Variants in FBXO10 observed in about 807,000 individuals in gnomAD.
The protein encoded by FBXO10 is F-box protein 10, also known as F-box only protein 10.
In FBXO10, 39 loss-of-function variants were observed where a neutral mutation model predicts 80.7. That is an observed-to-expected ratio of 0.48 (90% CI 0.37 to 0.63). The LOEUF is 0.63. Among genes scored for constraint, FBXO10 ranks in the 30% least tolerant of loss-of-function variants. FBXO10 has a pLI of 0.00. For missense variants in FBXO10, 1,025 were observed against 1,269.0 expected (o/e 0.81, Z 2.92); for synonymous variants, 449 against 489.6 (o/e 0.92, Z 1.09).
At position 37,544,297 on chromosome 9, in the gene FBXO10, G is replaced by A. The variant is rs530550069; in HGVS notation, c.-6-2523C>T. Among the ~76,000 whole-genome samples, 307 of 152,226 alleles carry A rather than the reference G, an allele frequency of 2.0e-3. 2 individuals are homozygous for A. Among genetic ancestry groups the A allele is most frequent in the African/African-American group, 7.1e-3 (294 of 41,524 alleles). On this transcript the variant is annotated intron_variant, in intron 1 of 10. Coordinates refer to ENST00000432825, the MANE Select transcript of FBXO10 (RefSeq NM_012166.3). ...ACAAAACAAAAATTAGCCAGGTGTG[G>A]TGGTGGGCACCTGTAATCTCAGCTA... is the stretch of plus-strand genomic sequence containing the variant.
intron 1 of FBXO10, among the ~76,000 whole-genome samples, chr9:37,553,554 T>C (rs985788568): frequency 2.6e-5 from 4 of 151,988 alleles, no homozygotes; most frequent in African/African-American, 7.3e-5. Context: ...CTTTAAGAAG[T>C]TGTCTTTAAA....
At chr9:37,526,821 TTTTA>T (rs57803639) in intron 5 of FBXO10, among the ~76,000 whole-genome samples, 76,762 of 139,406 alleles carry the variant, frequency 0.55, 22,884 homozygotes, top group Non-Finnish European at 0.66. Flanking sequence ...TTTTAAAATA[TTTTA>T]TTTATTTATT....
chr9:37,527,512 C>T (rs1821506849), intron 5 of FBXO10, among the ~76,000 whole-genome samples: 2 of 152,214 alleles, frequency 1.3e-5, no homozygotes, highest in Non-Finnish European at 2.9e-5. Context: ...AATGCCTTTT[C>T]CCTGGCCATA....
rs749601452 is a variant in FBXO10, at chr9:37,518,419, C to A, written c.2220G>T (p.Gln740His). 1 of 1,604,284 alleles carries A rather than the reference C, an allele frequency of 6.2e-7. No homozygotes were observed. The change falls in exon 9 of 11, where the codon CAG becomes CAT. Residue 740 changes from glutamine (Q) to histidine (H), a missense_variant. This residue lies in a region of FBXO10 where 478 missense variants were observed against 667.8 expected (regional missense o/e 0.72). Coordinates refer to ENST00000432825, the MANE Select transcript of FBXO10 (RefSeq NM_012166.3). ...TGATGACATGCAGTGCCTCGCTGCT[C>A]TGGACATAGAGTCCTGAGGCTATGG... Reference protein sequence around the residue: ...NHNGASGLYVQSSEALHVITN... With the variant: ...NHNGASGLYVHSSEALHVITN...
At chr9:37,527,098 G>A (rs1180559274) in intron 5 of FBXO10, among the ~76,000 whole-genome samples, 1 of 152,160 alleles carries the variant, frequency 6.6e-6, no homozygotes, top group African/African-American at 2.4e-5. Flanking sequence ...TGATCTGCCC[G>A]CCTCGGCCTC....
chr9:37,565,872 A>G (rs35243260), intron 1 of FBXO10, among the ~76,000 whole-genome samples: 19,852 of 152,190 alleles, frequency 0.13, 1,383 homozygotes, highest in Middle Eastern at 0.18. Context: ...AGGGGGCTAT[A>G]GCAGAGGAAA....
intron 8 of FBXO10, among the ~76,000 whole-genome samples, chr9:37,520,390 C>T (rs1472926923): frequency 1.4e-5 from 2 of 147,202 alleles, no homozygotes; most frequent in South Asian, 2.2e-4. Flanking sequence ...CCTAGAATAC[C>T]GTGGTGCAAT....
Position 37,541,213 on chromosome 9 carries a change from G to A in FBXO10, c.556C>T (p.Pro186Ser). Residue 186 changes from proline to serine, a missense_variant, in exon 2 of 11, where the codon CCA becomes TCA. Coordinates refer to ENST00000432825, the MANE Select transcript of FBXO10 (RefSeq NM_012166.3). ...TACATGATGGGTGAGAACCAGGCTG[G>A]CGTGAAGACGAGGTTGCACAGGCGT... ...TTRLCNLVFT[P>S]AWFSPIMYKT... 6.2e-7 allele frequency: 1 copy of A among 1,609,446 alleles called. No individual in the cohort carries two copies. The highest frequency in any genetic ancestry group is 8.5e-7 in the Non-Finnish European group (1 of 1,177,638).
At chr9:37,550,845 T>C (rs1213187880) in intron 1 of FBXO10, among the ~76,000 whole-genome samples, 2 of 152,202 alleles carry the variant, frequency 1.3e-5, no homozygotes, top group African/African-American at 4.8e-5. Flanking sequence ...AAAATTCATG[T>C]TCTTCTCACA....
chr9:37,559,378 T>C (rs1342914769), intron 1 of FBXO10, among the ~76,000 whole-genome samples: 2 of 152,210 alleles, frequency 1.3e-5, no homozygotes, highest in African/African-American at 4.8e-5. Context: ...TGTCTCTGTA[T>C]CATGCAAAGA....
chr9:37,534,715 C>T (rs953456246), intron 3 of FBXO10, among the ~76,000 whole-genome samples: 15 of 152,188 alleles, frequency 9.9e-5, no homozygotes, highest in African/African-American at 3.1e-4. Context: ...ACCCTCCTGA[C>T]GCAGGCTGGG....
rs370454432 is a variant in FBXO10 at position 37,522,901 on chromosome 9, G to A, written c.1854C>T (p.Leu618=). 11 of 1,572,906 alleles carry A rather than the reference G, an allele frequency of 7.0e-6. No homozygotes were observed. The African/African-American group carries it at 1.5e-4, about 21-fold the overall frequency. The change falls in exon 7 of 11, where the codon CTC becomes CTT. Residue 618 remains leucine, a synonymous_variant. Transcript: ENST00000432825. ...CACCATCTGAATAGCCAAAGCAGAT[G>A]AGGTTACTCCTGAGAACGGGGATCC... ...RGGIPVLRSN[L]ICFGYSDGVV...
intron 1 of FBXO10, among the ~76,000 whole-genome samples, chr9:37,547,829 GCA>G (rs1822095548): frequency 6.6e-6 from 1 of 152,030 alleles, no homozygotes; most frequent in Non-Finnish European, 1.5e-5. Context: ...ATGGTGGTGT[GCA>G]CCTGTAGTCC....
intron 1 of FBXO10, among the ~76,000 whole-genome samples, chr9:37,545,758 T>C (rs1246703871): frequency 6.6e-6 from 1 of 152,334 alleles, no homozygotes; most frequent in Non-Finnish European, 1.5e-5. Context: ...GGAAACTGGA[T>C]ATTCCCTTCC....
chr9:37,540,283 G>T (rs1821877652), intron 2 of FBXO10, among the ~76,000 whole-genome samples: 1 of 152,026 alleles, frequency 6.6e-6, no homozygotes, highest in African/African-American at 2.4e-5. Flanking sequence ...CGCCTCCCGG[G>T]TTCAAGCGAT....
At chr9:37,518,542 T>A in intron 8 of FBXO10, 104 bp from the exon 9 acceptor site, 1 of 983,936 alleles carries the variant, frequency 1.0e-6, no homozygotes, top group Non-Finnish European at 1.5e-6. Context: ...GAGAACGGAG[T>A]GGAGAAGAAG....
chr9:37,521,227 C>G (rs964579309), intron 8 of FBXO10, among the ~76,000 whole-genome samples: 1 of 151,592 alleles, frequency 6.6e-6, no homozygotes, highest in Non-Finnish European at 1.5e-5. Context: ...GCGGCCGCAC[C>G]GTCTCAAAAA....
At chr9:37,516,219 T>C in intron 9 of FBXO10, 134 bp from the exon 10 acceptor site, 1 of 950,702 alleles carries the variant, frequency 1.1e-6, no homozygotes, top group South Asian at 1.9e-5. Context: ...GCCTATGAGC[T>C]CAAAGAAGGG....
At chr9:37,549,429 G>A (rs1259816337) in intron 1 of FBXO10, among the ~76,000 whole-genome samples, 1 of 152,080 alleles carries the variant, frequency 6.6e-6, no homozygotes, top group Non-Finnish European at 1.5e-5. Flanking sequence ...AACCTTGCAA[G>A]CCCCCTAAAA....
Sources: allele counts gnomAD v4.1 joint callset (sites outside exome capture counted in the v4.1 genomes callset), GRCh38; gene constraint gnomAD v4.1.1; regional missense constraint gnomAD v4.1.1; transcripts MANE v1.5; gene names NCBI Gene and HGNC (gene_info 2026-07-23, HGNC 2026-07-21).